BNC2: variants seen among roughly 807,000 people sequenced by gnomAD.
The protein encoded by BNC2 is basonuclin zinc finger protein 2, also known as zinc finger protein basonuclin-2.
Under a neutral mutation model 76.3 loss-of-function variants are expected in BNC2, and 20 were observed. The ratio of observed to expected loss-of-function variants is 0.26; its 90% confidence interval spans 0.18 to 0.38. The LOEUF is 0.38. Ranked by LOEUF, BNC2 falls within the 10% of genes least tolerant of loss-of-function variation. The pLI, the probability that BNC2 is intolerant of heterozygous loss-of-function variation, is 1.00. For synonymous variants in BNC2, 582 were observed against 514.8 expected (o/e 1.13, Z -1.77); for missense variants, 1,382 against 1,399.8 (o/e 0.99, Z 0.20).
intron 2 of BNC2, among the ~76,000 whole-genome samples, chr9:16,738,158 T>A (rs895652388): frequency 2.2e-4 from 33 of 152,158 alleles, no homozygotes; most frequent in Admixed American, 7.2e-4. Flanking sequence ...ATAACCATCA[T>A]TAAATCTACT....
At chr9:16,672,330 T>A (rs1281526369) in intron 3 of BNC2, among the ~76,000 whole-genome samples, 1 of 152,108 alleles carries the variant, frequency 6.6e-6, no homozygotes, top group East Asian at 1.9e-4. Flanking sequence ...ACCCCGTCTC[T>A]ACTAAAAATA....
intron 1 of BNC2, among the ~76,000 whole-genome samples, chr9:16,845,455 C>T (rs909992559): frequency 6.6e-6 from 1 of 152,184 alleles, no homozygotes; most frequent in Non-Finnish European, 1.5e-5. Context: ...GGCGCGGTGG[C>T]TCACACCTGT....
At chr9:16,751,654 A>ATATATGTATATATATGTGTG (rs1299320964) in intron 1 of BNC2, among the ~76,000 whole-genome samples, 1 of 66,134 alleles carries the variant, frequency 1.5e-5, no homozygotes, top group Non-Finnish European at 3.9e-5. Flanking sequence ...ATGTGTGTAT[A>ATATATGTATATATATGTGTG]TATATATGTA....
intron 3 of BNC2, among the ~76,000 whole-genome samples, chr9:16,705,306 C>T (rs1398310838): frequency 6.6e-6 from 1 of 152,218 alleles, no homozygotes; most frequent in Non-Finnish European, 1.5e-5. Context: ...CCATTAAACC[C>T]TGCCAAGGAA....
chr9:16,809,435 C>G (rs568484026), intron 1 of BNC2, among the ~76,000 whole-genome samples: 2 of 152,154 alleles, frequency 1.3e-5, no homozygotes, highest in South Asian at 4.2e-4. Flanking sequence ...GGATGAGGAG[C>G]AAGAACTCTC....
At chr9:16,849,636 G>A (rs776441916) in intron 1 of BNC2, among the ~76,000 whole-genome samples, 30 of 152,050 alleles carry the variant, frequency 2.0e-4, no homozygotes, top group Non-Finnish European at 3.7e-4. Flanking sequence ...TGGGACTATA[G>A]GCGTGAGCCA....
intron 1 of BNC2, among the ~76,000 whole-genome samples, chr9:16,811,210 G>A (rs577860847): frequency 6.9e-4 from 67 of 97,098 alleles, no homozygotes; most frequent in African/African-American, 2.7e-3. Flanking sequence ...GCAACAGAGC[G>A]AGACTTCGTC....
At chr9:16,607,214 C>T (rs1417135131) in intron 3 of BNC2, among the ~76,000 whole-genome samples, 1 of 152,130 alleles carries the variant, frequency 6.6e-6, no homozygotes, top group Non-Finnish European at 1.5e-5. Context: ...CTTGGCCTCC[C>T]AAAGTGCGTG....
At chr9:16,778,183 C>A (rs1826021497) in intron 1 of BNC2, among the ~76,000 whole-genome samples, 1 of 151,942 alleles carries the variant, frequency 6.6e-6, no homozygotes, top group Non-Finnish European at 1.5e-5. Flanking sequence ...TGTAAAGATA[C>A]ATACACACAA....
At chr9:16,443,357 C>G (rs1478415098) in intron 5 of BNC2, among the ~76,000 whole-genome samples, 1 of 152,032 alleles carries the variant, frequency 6.6e-6, no homozygotes, top group Admixed American at 6.6e-5. Context: ...TTCATCATAA[C>G]CACATTGGCA....
intron 5 of BNC2, among the ~76,000 whole-genome samples, chr9:16,454,200 C>G (rs920958215): frequency 6.6e-6 from 1 of 152,128 alleles, no homozygotes; most frequent in African/African-American, 2.4e-5. Context: ...CAGATAATCC[C>G]TTACAGTATA....
At chr9:16,714,165 C>T (rs563953248) in intron 3 of BNC2, among the ~76,000 whole-genome samples, 2 of 152,340 alleles carry the variant, frequency 1.3e-5, no homozygotes, top group East Asian at 1.9e-4. Flanking sequence ...GTTACCTTTA[C>T]ATTACACCAT....
At chr9:16,797,820 T>G (rs1013090596) in intron 1 of BNC2, among the ~76,000 whole-genome samples, 2 of 152,008 alleles carry the variant, frequency 1.3e-5, no homozygotes, top group Admixed American at 6.6e-5. Context: ...CAGTGTGGCA[T>G]GAAAATTTAT....
At chr9:16,735,844 T>TAA (rs1824651722) in intron 2 of BNC2, among the ~76,000 whole-genome samples, 1 of 152,076 alleles carries the variant, frequency 6.6e-6, no homozygotes, top group Non-Finnish European at 1.5e-5. Context: ...TTCTAAAGTC[T>TAA]GTGGACCAAG....
Position 16,738,405 on chromosome 9 carries a change from T to C in BNC2, c.84A>G (p.Ala28=), listed in dbSNP as rs76485966. Residue 28 remains alanine (A), a synonymous_variant, in exon 2 of 7, where the codon GCA becomes GCG. Coordinates refer to ENST00000380672, the MANE Select transcript of BNC2 (RefSeq NM_017637.6). ...CCCCACAACATGGGACCTTGAAATA[T>C]GCTGGCCAGTCTTGCTCACTAAGCC... ...EDRLSEQDWP[A]YFKVPCCGVD... is the part of the protein sequence containing the mutation. 2 of 1,614,082 alleles carry C rather than the reference T, an allele frequency of 1.2e-6. No individual in the cohort carries two copies. The highest frequency in any genetic ancestry group is 1.7e-6 in the Non-Finnish European group (2 of 1,180,006).
chr9:16,530,792 T>C (rs1817951402), intron 5 of BNC2, among the ~76,000 whole-genome samples: 2 of 152,188 alleles, frequency 1.3e-5, no homozygotes, highest in East Asian at 1.9e-4. Context: ...CGGCAGACTG[T>C]TGCTCTGACG....
At chr9:16,554,190 T>C (rs1474351865) in intron 4 of BNC2, among the ~76,000 whole-genome samples, 1 of 152,216 alleles carries the variant, frequency 6.6e-6, no homozygotes, top group Non-Finnish European at 1.5e-5. Context: ...ACGTGCATTC[T>C]CAGCAACTCC....
intron 2 of BNC2, among the ~76,000 whole-genome samples, chr9:16,728,911 T>C (rs1338720573): frequency 6.6e-6 from 1 of 152,136 alleles, no homozygotes; most frequent in Non-Finnish European, 1.5e-5. Context: ...AAAAAAATCC[T>C]TTGTTAAAGT....
At chr9:16,806,853 C>T (rs1476349725) in intron 1 of BNC2, among the ~76,000 whole-genome samples, 1 of 152,164 alleles carries the variant, frequency 6.6e-6, no homozygotes, top group African/African-American at 2.4e-5. Context: ...TTGAATTAAA[C>T]TGAGAATAGA....
Sources: allele counts gnomAD v4.1 joint callset (sites outside exome capture counted in the v4.1 genomes callset), GRCh38; gene constraint gnomAD v4.1.1; transcripts MANE v1.5; gene names NCBI Gene and HGNC (gene_info 2026-07-23, HGNC 2026-07-21).